VWA8: variants seen among roughly 807,000 people sequenced by gnomAD.
VWA8 encodes the protein von Willebrand factor A domain containing 8.
VWA8 carries 221 observed loss-of-function variants against 241.5 expected under a neutral mutation model. The observed-to-expected ratio is 0.91, with a 90% CI of 0.82 to 1.02. The LOEUF (loss-of-function observed/expected upper bound fraction) is 1.02, where lower values mean the gene tolerates loss of function less well. VWA8 is among the 50% of genes least tolerant of loss of function. The pLI is 0.00. For synonymous variants in VWA8, 852 were observed against 827.1 expected (o/e 1.03, Z -0.52); for missense variants, 2,322 against 2,328.7 (o/e 1.00, Z 0.06).
intron 37 of VWA8, among the ~76,000 whole-genome samples, chr13:41,626,777 A>T (rs116056034): frequency 2.7e-3 from 416 of 152,334 alleles, no homozygotes; most frequent in African/African-American, 9.5e-3. Context: ...TTCAAGATAG[A>T]TTAAAGGCTT....
chr13:41,613,669 T>G (rs2044603876), intron 38 of VWA8, among the ~76,000 whole-genome samples: 1 of 152,096 alleles, frequency 6.6e-6, no homozygotes, highest in Non-Finnish European at 1.5e-5. Flanking sequence ...GCCTTTAATT[T>G]GTACTATTTA....
chr13:41,739,370 A>C (rs958002031), intron 21 of VWA8, among the ~76,000 whole-genome samples: 1 of 152,216 alleles, frequency 6.6e-6, no homozygotes, highest in African/African-American at 2.4e-5. Flanking sequence ...CACGCTCTCT[A>C]GGAAGTTGGT....
chr13:41,819,387 C>A lies in VWA8; in HGVS notation c.1701-1G>T, dbSNP rs77002594. ...GGAGGGATGGATAGGAAAAATGGATCTAAAATAGGAAAAAAAATGAAAAAA... is the reference window on the plus strand; with the variant it reads ...GGAGGGATGGATAGGAAAAATGGATATAAAATAGGAAAAAAAATGAAAAAA... On this transcript the variant is annotated splice_acceptor_variant, in intron 14 of 44. Coordinates refer to ENST00000379310, the MANE Select transcript of VWA8 (RefSeq NM_015058.2). LOFTEE classifies it high-confidence loss of function. 1 of 1,587,382 alleles carries A rather than the reference C, an allele frequency of 6.3e-7. No homozygotes were observed.
chr13:41,906,618 A>G (rs1875732903), intron 4 of VWA8, among the ~76,000 whole-genome samples: 2 of 152,252 alleles, frequency 1.3e-5, no homozygotes, highest in South Asian at 2.1e-4. Flanking sequence ...GTTCATTCAC[A>G]GTTTTATACA....
At chr13:41,927,568 A>G (rs1337174135) in intron 2 of VWA8, among the ~76,000 whole-genome samples, 1 of 152,088 alleles carries the variant, frequency 6.6e-6, no homozygotes, top group Non-Finnish European at 1.5e-5. Flanking sequence ...AAGATGTTTT[A>G]TGTAAGCCTC....
chr13:41,866,389 G>GCA (rs1873313057), intron 10 of VWA8, among the ~76,000 whole-genome samples: 2 of 146,102 alleles, frequency 1.4e-5, no homozygotes, highest in African/African-American at 2.6e-5. Flanking sequence ...GTGTGTGTGT[G>GCA]CGCGTGTGTG....
intron 26 of VWA8, among the ~76,000 whole-genome samples, chr13:41,709,505 C>A (rs1022317958): frequency 1.3e-5 from 2 of 152,330 alleles, no homozygotes; most frequent in East Asian, 1.9e-4. Flanking sequence ...ACTCTGATCT[C>A]TTCCTTTCAG....
intron 8 of VWA8, among the ~76,000 whole-genome samples, chr13:41,884,738 C>T (rs1874431880): frequency 1.3e-5 from 2 of 151,876 alleles, no homozygotes; most frequent in South Asian, 4.1e-4. Flanking sequence ...CAAAAGATTT[C>T]ATAAGAATTT....
chr13:41,901,090 A>G (rs1047733804), intron 4 of VWA8, among the ~76,000 whole-genome samples: 4 of 150,668 alleles, frequency 2.7e-5, no homozygotes, highest in Admixed American at 1.3e-4. Context: ...CATCATTGTC[A>G]CTGTCATCAT....
At chr13:41,887,494 T>C in intron 5 of VWA8, 133 bp from the exon 6 acceptor site, 3 of 967,234 alleles carry the variant, frequency 3.1e-6, no homozygotes, top group Non-Finnish European at 4.4e-6. Context: ...ATCCATACTG[T>C]CAAGGAAGGC....
intron 42 of VWA8, among the ~76,000 whole-genome samples, chr13:41,581,554 G>A (rs571393944): frequency 3.9e-5 from 6 of 152,148 alleles, no homozygotes; most frequent in Non-Finnish European, 1.5e-5. Flanking sequence ...TGGGGATGGA[G>A]GGCAATGGGG....
intron 2 of VWA8, among the ~76,000 whole-genome samples, chr13:41,943,065 G>A (rs1482916471): frequency 6.6e-6 from 1 of 152,190 alleles, no homozygotes; most frequent in African/African-American, 2.4e-5. Context: ...AGTTTGTGAA[G>A]CTGGTGTTAG....
Position 41,671,215 on chromosome 13 carries a change from T to C in VWA8, c.4410-68A>G, listed in dbSNP as rs140258204. ...AAAGCAGGAGGGATGACACTGCACA[T>C]TGTAATGTTCTTTACTGTTGAAAAA... On this transcript the variant is annotated intron_variant, in intron 36 of 44. Transcript: ENST00000379310. The C allele has an allele frequency of 6.6e-5, 101 of 1,521,444 alleles. No homozygotes were observed. In the African/African-American group the frequency reaches 1.1e-3, roughly 16 times the overall value. 94.2% of individuals were successfully genotyped at this position (1,521,444 alleles called of 1,614,324 possible).
intron 16 of VWA8, among the ~76,000 whole-genome samples, chr13:41,815,988 A>G (rs183640868): frequency 1.3e-4 from 20 of 152,340 alleles, no homozygotes; most frequent in African/African-American, 4.8e-4. Context: ...TTTCTAATTT[A>G]GGTAATTTGG....
At chr13:41,672,821 A>C (rs1425452524) in intron 36 of VWA8, among the ~76,000 whole-genome samples, 1 of 152,168 alleles carries the variant, frequency 6.6e-6, no homozygotes, top group Non-Finnish European at 1.5e-5. Context: ...GCAGGAAAAA[A>C]CTTAGTAGTT....
At chr13:41,672,607 CT>C (rs1474914418) in intron 36 of VWA8, among the ~76,000 whole-genome samples, 3 of 151,796 alleles carry the variant, frequency 2.0e-5, no homozygotes, top group African/African-American at 7.3e-5. Flanking sequence ...CTAATTTGAC[CT>C]TTTTTCAGTC....
In VWA8 at chr13:41,866,348, C is replaced by CAA. The variant is rs971802530; in HGVS notation, c.1213-314_1213-313dup. Among the ~76,000 whole-genome samples, 233 of 141,890 alleles carry CAA rather than the reference C, an allele frequency of 1.6e-3. No individual in the cohort carries two copies. The East Asian group carries it at 0.018, about 11-fold the overall frequency. 93.1% of individuals were successfully genotyped at this position (141,890 alleles called of 152,430 possible). A position where few individuals can be genotyped will look rare whatever the true frequency, so the allele number is the denominator to read the frequency against. On this transcript the variant is annotated intron_variant, in intron 10 of 44. Transcript: ENST00000379310. ...TGGGCAACAGAGCGAGACTCTGTCC[C>CAA]AAAAAAAAAAATATATATATATATA...
chr13:41,744,898 C>T (rs1461257808), intron 21 of VWA8, among the ~76,000 whole-genome samples: 1 of 151,940 alleles, frequency 6.6e-6, no homozygotes, highest in East Asian at 1.9e-4. Flanking sequence ...AGTGCAGTGG[C>T]GCAATCTCGG....
chr13:41,786,528 G>A (rs528310183), intron 18 of VWA8, among the ~76,000 whole-genome samples: 5 of 152,146 alleles, frequency 3.3e-5, no homozygotes, highest in African/African-American at 7.2e-5. Context: ...CCAAACAATC[G>A]GCAGTCTGAA....
Sources: gnomAD v4.1 joint callset for allele counts (sites outside exome capture counted in the v4.1 genomes callset) on GRCh38, gnomAD v4.1.1 for gene constraint, MANE v1.5 for transcripts, NCBI Gene and HGNC (gene_info 2026-07-23, HGNC 2026-07-21) for gene names.